The following LRRC37A variants were observed in gnomAD, a reference collection of about 807,000 sequenced individuals.
LRRC37A encodes the protein leucine-rich repeat-containing protein 37A.
LRRC37A carries 3 observed loss-of-function variants against 35.4 expected under a neutral mutation model. That is an observed-to-expected ratio of 0.08 (90% CI 0.04 to 0.22). The LOEUF (loss-of-function observed/expected upper bound fraction) is 0.22. Among genes scored for constraint, LRRC37A ranks in the 10% least tolerant of loss-of-function variants. The pLI, the probability that LRRC37A is intolerant of heterozygous loss-of-function variation, is 1.00. For missense variants in LRRC37A, 67 were observed against 565.3 expected (o/e 0.12, Z 8.94); for synonymous variants, 23 against 215.0 (o/e 0.11, Z 7.81).
chr17:46,253,423 G>A, the LRRC37A span, among the ~76,000 whole-genome samples: 447 of 152,246 alleles, frequency 2.9e-3, 4 homozygotes, highest in African/African-American at 0.01. Flanking sequence ...GTTGTAGCCA[G>A]CCGAGATCAC....
At chr17:46,260,434 G>C in the LRRC37A span, 1 of 1,555,596 alleles carries the variant, frequency 6.4e-7, no homozygotes, top group African/African-American at 1.4e-5. Flanking sequence ...GCAGCCGCCC[G>C]ATGAACACCT....
upstream of LRRC37A, chr17:46,292,904 C>T (rs1356773065): frequency 9.0e-4 from 62 of 68,824 alleles, 22 homozygotes; most frequent in Admixed American, 9.7e-3. Flanking sequence ...GTTCTGTAAG[C>T]GTATAATGGA....
chr17:46,278,990 CTTTCACCATGTTGGTCAGG>C, the LRRC37A span, among the ~76,000 whole-genome samples: 2 of 151,602 alleles, frequency 1.3e-5, no homozygotes, highest in Admixed American at 1.3e-4. Context: ...TACAGATGGG[CTTTCACCATGTTGGTCAGG>C]CTGGTCTCGA....
rs1410808478 is a variant in LRRC37A, at chr17:46,327,301, C to G, written c.3054-1091C>G. Among the ~76,000 whole-genome samples, 4 of 57,660 alleles carry G rather than the reference C, an allele frequency of 6.9e-5. No homozygotes were observed. In the Admixed American group the frequency reaches 7.7e-4, roughly 11 times the overall value. 37.8% of individuals were successfully genotyped at this position (57,660 alleles called of 152,430 possible). Reference sequence around the variant, plus strand: ...CTCTCCATTGTAATTATTTTGCTGGCTACAGTGGCTCCCACTTGTAATCCC... The same window carrying G: ...CTCTCCATTGTAATTATTTTGCTGGGTACAGTGGCTCCCACTTGTAATCCC... On this transcript the variant is annotated intron_variant, in intron 7 of 13. Transcript: ENST00000320254.
chr17:46,282,073 A>C, the LRRC37A span, among the ~76,000 whole-genome samples: 5 of 151,848 alleles, frequency 3.3e-5, no homozygotes, highest in African/African-American at 9.7e-5. Flanking sequence ...TGGATACTTT[A>C]GCTGGGCTTG....
the LRRC37A span, among the ~76,000 whole-genome samples, chr17:46,252,053 T>C: frequency 6.6e-6 from 1 of 152,220 alleles, no homozygotes; most frequent in Non-Finnish European, 1.5e-5. Context: ...ACAGGGAATA[T>C]ATACTACATT....
the LRRC37A span, among the ~76,000 whole-genome samples, chr17:46,279,166 T>C: frequency 3.3e-5 from 5 of 151,706 alleles, no homozygotes; most frequent in Non-Finnish European, 7.4e-5. Context: ...CCTTTGCTAA[T>C]AAGGCATTCT....
intron 5 of LRRC37A, among the ~76,000 whole-genome samples, chr17:46,315,612 AAGG>A (rs2051048590): frequency 1.6e-5 from 1 of 62,424 alleles, no homozygotes; most frequent in Non-Finnish European, 3.5e-5. Flanking sequence ...GAGGCCAAGG[AAGG>A]AGGATTGCTT....
At chr17:46,255,681 G>GT in the LRRC37A span, among the ~76,000 whole-genome samples, 3,276 of 114,278 alleles carry the variant, frequency 0.029, 108 homozygotes, top group African/African-American at 0.084. Flanking sequence ...ATTGTTTTTT[G>GT]TTTTTTTTTT....
chr17:46,270,728 G>A, the LRRC37A span, among the ~76,000 whole-genome samples: 2 of 152,172 alleles, frequency 1.3e-5, no homozygotes, highest in South Asian at 2.1e-4. Context: ...CCAACATAGC[G>A]AAACTCTGTC....
chr17:46,280,884 A>G, the LRRC37A span, among the ~76,000 whole-genome samples: 1 of 152,222 alleles, frequency 6.6e-6, no homozygotes, highest in African/African-American at 2.4e-5. Flanking sequence ...CCAATAGCAC[A>G]CGCTTTTAAA....
the LRRC37A span, among the ~76,000 whole-genome samples, chr17:46,251,210 G>A: frequency 6.6e-6 from 1 of 151,848 alleles, no homozygotes; most frequent in East Asian, 1.9e-4. Flanking sequence ...TGCTCCCCAA[G>A]TGACATTTGG....
the LRRC37A span, among the ~76,000 whole-genome samples, chr17:46,271,796 G>A: frequency 3.3e-5 from 5 of 152,090 alleles, no homozygotes; most frequent in Non-Finnish European, 4.4e-5. Context: ...GAGTCTTGCT[G>A]TGTCGCTCAG....
chr17:46,248,709 G>A, the LRRC37A span, among the ~76,000 whole-genome samples: 5 of 151,944 alleles, frequency 3.3e-5, no homozygotes, highest in South Asian at 2.1e-4. Flanking sequence ...TAGTAGAGAC[G>A]AGGTTTCACC....
At chr17:46,290,375 C>T (rs1228217809), upstream of LRRC37A, among the ~76,000 whole-genome samples, 7 of 121,940 alleles carry the variant, frequency 5.7e-5, no homozygotes, top group Non-Finnish European at 1.1e-4. Flanking sequence ...ATCCACCCAC[C>T]TCAGCCTTTT....
the LRRC37A span, among the ~76,000 whole-genome samples, chr17:46,262,136 G>A: frequency 6.6e-6 from 1 of 152,182 alleles, no homozygotes; most frequent in Non-Finnish European, 1.5e-5. Context: ...TTTCAGTAGA[G>A]ACGGGGTTTC....
the LRRC37A span, among the ~76,000 whole-genome samples, chr17:46,274,147 G>T: frequency 2.6e-5 from 4 of 152,196 alleles, no homozygotes; most frequent in African/African-American, 9.7e-5. Context: ...CCCCACAGAG[G>T]CTTACAGATA....
At chr17:46,281,334 T>C in the LRRC37A span, among the ~76,000 whole-genome samples, 398 of 152,070 alleles carry the variant, frequency 2.6e-3, 2 homozygotes, top group Middle Eastern at 0.024. Flanking sequence ...AATGAATTTA[T>C]TCTGCTAGAA....
At chr17:46,253,347 G>A in the LRRC37A span, among the ~76,000 whole-genome samples, 2 of 151,896 alleles carry the variant, frequency 1.3e-5, no homozygotes, top group Non-Finnish European at 2.9e-5. Context: ...CAGACGGGGT[G>A]GCGGCCGGGC....
Sources: allele counts gnomAD v4.1 joint callset (sites outside exome capture counted in the v4.1 genomes callset), GRCh38; gene constraint gnomAD v4.1.1; transcripts MANE v1.5; gene names NCBI Gene and HGNC (gene_info 2026-07-23, HGNC 2026-07-21).